Variants in PRKN observed in about 807,000 individuals in gnomAD.
PRKN encodes the protein E3 ubiquitin-protein ligase parkin.
PRKN carries 56 observed loss-of-function variants against 59.5 expected under a neutral mutation model. The observed-to-expected ratio is 0.94, with a 90% CI of 0.76 to 1.18. The LOEUF (loss-of-function observed/expected upper bound fraction) is 1.18. Ranked by LOEUF, PRKN falls within the 50% of genes most tolerant of loss-of-function variation. PRKN has a pLI of 0.00. For synonymous variants in PRKN, 250 were observed against 222.1 expected, an observed-to-expected ratio of 1.13 and a Z score of -1.12; for missense variants, 657 against 596.4, an observed-to-expected ratio of 1.10 and a Z score of -1.06.
intron 3 of PRKN, among the ~76,000 whole-genome samples, chr6:162,232,764 C>T (rs562344615): frequency 1.3e-5 from 2 of 152,170 alleles, no homozygotes; most frequent in African/African-American, 4.8e-5. Flanking sequence ...AAAAAAATCC[C>T]GCCAAGACCT....
rs531919541 is a variant in PRKN at position 161,516,015 on chromosome 6, T to C, written c.1083+32839A>G. Among the ~76,000 whole-genome samples the C allele has an allele frequency of 7.9e-5, 12 of 152,342 alleles. No homozygotes were observed. The East Asian group carries it at 2.3e-3, about 29-fold the overall frequency. ...GTGACCTGTAAGTAGTGCCTATAAT[T>C]ATTAAAAATAACCATCAAGCTGGCT... On this transcript the variant is annotated intron_variant, in intron 9 of 11. Coordinates refer to ENST00000366898, the MANE Select transcript of PRKN (RefSeq NM_004562.3).
At chr6:161,431,949 A>C (rs115849364) in intron 9 of PRKN, among the ~76,000 whole-genome samples, 2,055 of 152,216 alleles carry the variant, frequency 0.014, 55 homozygotes, top group African/African-American at 0.047. Context: ...ATCTACGTTT[A>C]AGCTTTTCAC....
chr6:162,103,203 G>A (rs1780050962), intron 4 of PRKN, among the ~76,000 whole-genome samples: 1 of 150,950 alleles, frequency 6.6e-6, no homozygotes, highest in African/African-American at 2.4e-5. Flanking sequence ...TTAAAAAAAA[G>A]AAAAAGAAAA....
At chr6:161,728,730 C>A (rs1461256713) in intron 7 of PRKN, among the ~76,000 whole-genome samples, 2 of 152,086 alleles carry the variant, frequency 1.3e-5, no homozygotes, top group East Asian at 3.9e-4. Context: ...CATTTTGCTC[C>A]CCATGATGAT....
intron 1 of PRKN, among the ~76,000 whole-genome samples, chr6:162,464,810 CAG>C (rs1791343511): frequency 6.6e-6 from 1 of 150,604 alleles, no homozygotes; most frequent in Non-Finnish European, 1.5e-5. Context: ...GCCTGGGCAA[CAG>C]AGTGAGATTC....
intron 4 of PRKN, among the ~76,000 whole-genome samples, chr6:162,115,763 C>T (rs1354000761): frequency 6.6e-6 from 1 of 152,060 alleles, no homozygotes. Flanking sequence ...TAGATAAAAG[C>T]GGATGTCTGA....
intron 5 of PRKN, among the ~76,000 whole-genome samples, chr6:162,021,186 TTA>T (rs71004073): frequency 1.4e-4 from 14 of 100,678 alleles, no homozygotes; most frequent in Middle Eastern, 0.011. Context: ...TGTATATATA[TTA>T]TATATATAAT....
chr6:161,429,338 T>G lies in PRKN; in HGVS notation c.1084-42461A>C, dbSNP rs1464613434. On this transcript the variant is annotated intron_variant, in intron 9 of 11. Transcript: ENST00000366898. The surrounding 1 kb of genome is among the most constrained non-coding windows in gnomAD (Gnocchi z 4.2). ...GTTCCTGCCCTCAGGGAGCTTATAG[T>G]CAGTCATGGGCAAGTAAACAGGTCA... Among the ~76,000 whole-genome samples, 1 of 152,152 alleles carries G rather than the reference T, an allele frequency of 6.6e-6. No homozygotes were observed. The highest frequency in any genetic ancestry group is 1.9e-4 in the East Asian group (1 of 5,190).
At chr6:161,709,856 C>T (rs1227120170) in intron 7 of PRKN, among the ~76,000 whole-genome samples, 4 of 151,928 alleles carry the variant, frequency 2.6e-5, no homozygotes, top group African/African-American at 9.7e-5. Flanking sequence ...TACAAATTAC[C>T]AAGATACCTT....
chr6:162,703,188 T>C (rs929044789), intron 1 of PRKN, among the ~76,000 whole-genome samples: 1 of 152,190 alleles, frequency 6.6e-6, no homozygotes, highest in Non-Finnish European at 1.5e-5. Flanking sequence ...AATTAAGCTA[T>C]TGGATTTAAA....
At chr6:161,621,166 T>C (rs1209552416) in intron 7 of PRKN, among the ~76,000 whole-genome samples, 3 of 152,126 alleles carry the variant, frequency 2.0e-5, no homozygotes, top group African/African-American at 7.2e-5. Context: ...GTCAGGCTTC[T>C]CCAGAGAGAC....
intron 7 of PRKN, among the ~76,000 whole-genome samples, chr6:161,783,490 G>C (rs1790293742): frequency 1.3e-5 from 2 of 152,172 alleles, no homozygotes; most frequent in South Asian, 4.1e-4. Flanking sequence ...TGACTAATGG[G>C]TGCAGGAAGG....
chr6:162,657,812 C>A (rs538091498), intron 1 of PRKN, among the ~76,000 whole-genome samples: 1 of 152,254 alleles, frequency 6.6e-6, no homozygotes, highest in Non-Finnish European at 1.5e-5. Flanking sequence ...ATAGTAGGGA[C>A]ATGAGGGTTC....
intron 2 of PRKN, among the ~76,000 whole-genome samples, chr6:162,272,855 G>A (rs1212640267): frequency 1.1e-4 from 17 of 151,646 alleles, no homozygotes; most frequent in Non-Finnish European, 2.5e-4. Context: ...AAAATTAGCC[G>A]GGTGTGGTTG....
intron 1 of PRKN, among the ~76,000 whole-genome samples, chr6:162,624,005 T>C (rs574269690): frequency 6.6e-6 from 1 of 152,186 alleles, no homozygotes; most frequent in South Asian, 2.1e-4. Context: ...TCCCAGCACT[T>C]TGGGAGGCCG....
At chr6:162,498,219 TTG>T (rs1562332295) in intron 1 of PRKN, among the ~76,000 whole-genome samples, 1 of 152,088 alleles carries the variant, frequency 6.6e-6, no homozygotes, top group African/African-American at 2.4e-5. Flanking sequence ...GTTCAGTCTA[TTG>T]TGTACAAGTC....
intron 4 of PRKN, among the ~76,000 whole-genome samples, chr6:162,187,481 G>T (rs1406418408): frequency 1.3e-5 from 2 of 152,098 alleles, no homozygotes. Flanking sequence ...GGCAGTGCAG[G>T]GGAGCAAGTT....
At chr6:162,404,297 G>T (rs978197545) in intron 2 of PRKN, among the ~76,000 whole-genome samples, 3 of 151,574 alleles carry the variant, frequency 2.0e-5, no homozygotes, top group Middle Eastern at 3.4e-3. Flanking sequence ...TTAAACACAG[G>T]AGGTGGAGGT....
chr6:162,167,365 C>T (rs949481756), intron 4 of PRKN, among the ~76,000 whole-genome samples: 4 of 152,096 alleles, frequency 2.6e-5, no homozygotes, highest in Non-Finnish European at 4.4e-5. Context: ...ATCCCTCCTG[C>T]CTGGGTTTCC....
Sources: gnomAD v4.1 joint callset for allele counts (sites outside exome capture counted in the v4.1 genomes callset) on GRCh38, gnomAD v4.1.1 for gene constraint, Gnocchi (gnomAD v3.1) non-coding constraint, MANE v1.5 for transcripts, NCBI Gene and HGNC (gene_info 2026-07-23, HGNC 2026-07-21) for gene names.